Variants in TUBGCP3 observed in about 807,000 individuals in gnomAD.
TUBGCP3 encodes the protein gamma-tubulin complex component 3.
A neutral mutation model predicts 123.1 loss-of-function variants in TUBGCP3; 50 were observed. The ratio of observed to expected loss-of-function variants is 0.41; its 90% CI spans 0.32 to 0.51. The LOEUF (loss-of-function observed/expected upper bound fraction) is 0.51, where lower values mean the gene tolerates loss of function less well. Ranked by LOEUF, TUBGCP3 falls within the 20% of genes least tolerant of loss-of-function variation. TUBGCP3 has a pLI of 0.36. For missense variants in TUBGCP3, 882 were observed against 1,127.0 expected (o/e 0.78, Z 3.11); for synonymous variants, 405 against 413.9 (o/e 0.98, Z 0.26).
In TUBGCP3 at chr13:112,511,041, G is replaced by T. The variant is rs1881641408; in HGVS notation, c.2086+5399C>A. On this transcript the variant is annotated intron_variant, in intron 17 of 21. Coordinates refer to ENST00000261965, the MANE Select transcript of TUBGCP3 (RefSeq NM_006322.6). This position sits in a 1 kb window ranked among gnomAD's most constrained non-coding sequence, Gnocchi z 4.1. ...AACACAGGATACAAAAACACAGATA[G>T]ATACACAAAGAAATTTTTAAAGAGA... Among the ~76,000 whole-genome samples, 1 of 152,174 alleles carries T rather than the reference G, an allele frequency of 6.6e-6. No individual in the cohort carries two copies. The highest frequency in any genetic ancestry group is 2.4e-5 in the African/African-American group (1 of 41,446).
intron 1 of TUBGCP3, among the ~76,000 whole-genome samples, chr13:112,583,368 A>T (rs1483744481): frequency 6.6e-6 from 1 of 152,202 alleles, no homozygotes; most frequent in Non-Finnish European, 1.5e-5. Context: ...GAACAAATTA[A>T]GCCTTCAACA....
rs1566567134 is a variant in TUBGCP3 at position 112,547,499 on chromosome 13, C to CAGACGTGCGTGGGAA, written c.1168+120_1168+121insTTCCCACGCACGTCT. ...ACGAGTTCTGAAACAAAGCGAGTGCCAGACGCGCGTGGGAAAGACGCGCGT... is the reference window on the plus strand; with the variant it reads ...ACGAGTTCTGAAACAAAGCGAGTGCCAGACGTGCGTGGGAAAGACGCGCGTGGGAAAGACGCGCGT... On this transcript the variant is annotated intron_variant, in intron 10 of 21. Transcript: ENST00000261965. The CAGACGTGCGTGGGAA allele has an allele frequency of 2.3e-6, 3 of 1,330,234 alleles. No homozygotes were observed. The African/African-American group carries it at 4.6e-5, about 20-fold the overall frequency. 82.4% of individuals were successfully genotyped at this position (1,330,234 alleles called of 1,614,324 possible).
intron 11 of TUBGCP3, among the ~76,000 whole-genome samples, chr13:112,531,363 A>G (rs1566555798): frequency 6.6e-6 from 1 of 152,234 alleles, no homozygotes; most frequent in Non-Finnish European, 1.5e-5. Flanking sequence ...AGGGGTAAAC[A>G]GCAGTACTAT....
chr13:112,499,640 A>G (rs1880768619), intron 19 of TUBGCP3, among the ~76,000 whole-genome samples: 1 of 152,338 alleles, frequency 6.6e-6, no homozygotes, highest in Non-Finnish European at 1.5e-5. Context: ...ATGAGAAAGG[A>G]AATACTTAGT....
rs1876471154 is a variant in TUBGCP3, at chr13:112,519,882, G to A, written c.1881+4C>T. The A allele has an allele frequency of 1.2e-6, 2 of 1,612,612 alleles. No homozygotes were observed. Among genetic ancestry groups the A allele is most frequent in the Non-Finnish European group, 1.7e-6 (2 of 1,179,016 alleles). On this transcript the variant is annotated splice_donor_region_variant and intron_variant, in intron 15 of 21. Coordinates refer to ENST00000261965, the MANE Select transcript of TUBGCP3 (RefSeq NM_006322.6). The surrounding 1 kb of genome is among the most constrained non-coding windows in gnomAD (Gnocchi z 6.2). ...GGCGTTCCCAACACGCAGAGCCGCA[G>A]TACCTCCAGCAGCCGCACGTCCAGC...
intron 2 of TUBGCP3, among the ~76,000 whole-genome samples, chr13:112,567,654 G>A (rs923498905): frequency 2.0e-5 from 3 of 152,204 alleles, no homozygotes; most frequent in African/African-American, 7.2e-5. Context: ...CATAACAGCA[G>A]ATGGATCATT....
chr13:112,487,451 C>A (rs895026444), intron 21 of TUBGCP3, among the ~76,000 whole-genome samples: 1 of 152,214 alleles, frequency 6.6e-6, no homozygotes, highest in Non-Finnish European at 1.5e-5. Context: ...AATGTATTAA[C>A]TCCCTCAGGG....
At chr13:112,578,513 A>C (rs1026033587) in intron 1 of TUBGCP3, among the ~76,000 whole-genome samples, 1 of 129,086 alleles carries the variant, frequency 7.7e-6, no homozygotes, top group Non-Finnish European at 1.6e-5. Context: ...GAGCCGGGAT[A>C]GCGCCACTGC....
chr13:112,583,807 A>C (rs1882429092), intron 1 of TUBGCP3, among the ~76,000 whole-genome samples: 1 of 152,190 alleles, frequency 6.6e-6, no homozygotes, highest in Non-Finnish European at 1.5e-5. Context: ...AGGGGTCAGG[A>C]GGGCGTTGGG....
chr13:112,536,829 T>C (rs1878096530), intron 11 of TUBGCP3, among the ~76,000 whole-genome samples: 1 of 152,144 alleles, frequency 6.6e-6, no homozygotes, highest in Admixed American at 6.5e-5. Context: ...CAGAGTGCAG[T>C]GGTACAATCA....
intron 8 of TUBGCP3, among the ~76,000 whole-genome samples, chr13:112,553,343 G>A (rs961992340): frequency 3.3e-5 from 5 of 152,236 alleles, no homozygotes; most frequent in Admixed American, 2.0e-4. Context: ...CCTGTGCTAC[G>A]CTGAGCTTAT....
intron 2 of TUBGCP3, among the ~76,000 whole-genome samples, chr13:112,567,328 C>T (rs924467761): frequency 3.3e-5 from 5 of 152,154 alleles, no homozygotes; most frequent in Admixed American, 1.3e-4. Flanking sequence ...TTTAAACAAA[C>T]TTTATTTTTA....
intron 11 of TUBGCP3, among the ~76,000 whole-genome samples, chr13:112,537,876 C>T (rs1190264316): frequency 6.6e-6 from 1 of 152,148 alleles, no homozygotes; most frequent in South Asian, 2.1e-4. Flanking sequence ...AGTCCGTATG[C>T]TTCTAGGAAC....
intron 19 of TUBGCP3, among the ~76,000 whole-genome samples, chr13:112,501,690 C>T (rs1880916865): frequency 6.6e-6 from 1 of 152,014 alleles, no homozygotes; most frequent in East Asian, 1.9e-4. Context: ...TTTTAAAGCT[C>T]ATTTTAAACA....
At chr13:112,553,505 CT>C (rs935608828) in intron 8 of TUBGCP3, among the ~76,000 whole-genome samples, 2 of 152,256 alleles carry the variant, frequency 1.3e-5, no homozygotes, top group Non-Finnish European at 2.9e-5. Context: ...TAGCTGCCCC[CT>C]GTCAGGCTCC....
Position 112,554,837 on chromosome 13 carries a change from A to C in TUBGCP3, c.840+50T>G. ...CAACAGCCACTATCTGGACTTCATG[A>C]CATGTTTTTTCTTTCTGAATATTTT... On this transcript the variant is annotated intron_variant, in intron 7 of 21. Transcript: ENST00000261965. The C allele has an allele frequency of 2.2e-6, 3 of 1,354,124 alleles. No individual in the cohort carries two copies. In the South Asian group the frequency reaches 3.9e-5, roughly 18 times the overall value. The allele number at this position is 1,354,124 out of a possible 1,614,324, so 83.9% of individuals were successfully genotyped here.
At chr13:112,599,779 A>G in the TUBGCP3 span, among the ~76,000 whole-genome samples, 1 of 152,114 alleles carries the variant, frequency 6.6e-6, no homozygotes, top group African/African-American at 2.4e-5. Context: ...TTGGCCTCCC[A>G]AAGTGCTGGG....
Position 112,500,471 on chromosome 13 carries a change from T to C in TUBGCP3, c.2308-1286A>G, listed in dbSNP as rs144128369. 5.0e-4 allele frequency among the ~76,000 whole-genome samples: 76 copies of C among 152,262 alleles called. 1 individual carries two copies. In the East Asian group the frequency reaches 0.012, roughly 23 times the overall value. ...CTGTGTGAAATGAAAGAAACAAAAC[T>C]GGTTTTACTGATAAAAAATATGCGC... On this transcript the variant is annotated intron_variant, in intron 19 of 21. Coordinates refer to ENST00000261965, the MANE Select transcript of TUBGCP3 (RefSeq NM_006322.6).
chr13:112,563,803 A>G (rs1880722927), intron 3 of TUBGCP3, among the ~76,000 whole-genome samples: 1 of 152,002 alleles, frequency 6.6e-6, no homozygotes, highest in African/African-American at 2.4e-5. Flanking sequence ...TGAACCCAGA[A>G]GGCAGAGCTT....
Sources: allele counts gnomAD v4.1 joint callset (sites outside exome capture counted in the v4.1 genomes callset), GRCh38; gene constraint gnomAD v4.1.1; non-coding constraint Gnocchi (gnomAD v3.1); transcripts MANE v1.5; gene names NCBI Gene and HGNC (gene_info 2026-07-23, HGNC 2026-07-21).